Variants in EYS observed in about 807,000 individuals in gnomAD.
The protein encoded by EYS is protein eyes shut homolog.
In EYS, 250 loss-of-function variants were observed where a neutral mutation model predicts 282.1. The observed-to-expected ratio is 0.89, with a 90% CI of 0.80 to 0.98. The LOEUF (loss-of-function observed/expected upper bound fraction) is 0.98. Ranked by LOEUF, EYS falls within the 50% of genes least tolerant of loss-of-function variation. The pLI is 0.00. For synonymous variants in EYS, 1,355 were observed against 1,282.9 expected, an observed-to-expected ratio of 1.06 and a Z score of -1.20; for missense variants, 4,016 against 3,709.0, an observed-to-expected ratio of 1.08 and a Z score of -2.15.
At chr6:64,023,643 G>T (rs566828234) in intron 33 of EYS, among the ~76,000 whole-genome samples, 1 of 152,226 alleles carries the variant, frequency 6.6e-6, no homozygotes, top group African/African-American at 2.4e-5. Flanking sequence ...ACTAGCTCTC[G>T]GCACCTCCTT....
At chr6:63,765,080 A>G (rs1044649807) in intron 40 of EYS, among the ~76,000 whole-genome samples, 2 of 152,002 alleles carry the variant, frequency 1.3e-5, no homozygotes, top group African/African-American at 4.8e-5. Context: ...TATGTGTGTG[A>G]GGTGAGGTGT....
At chr6:65,663,586 G>T in intron 1 of EYS, among the ~76,000 whole-genome samples, 1 of 152,186 alleles carries the variant, frequency 6.6e-6, no homozygotes, top group East Asian at 1.9e-4. Flanking sequence ...TGGGCAGAAA[G>T]ATAGCTTTGA....
chr6:64,965,977 TGC>T (rs928484587), intron 14 of EYS, among the ~76,000 whole-genome samples: 44 of 122,520 alleles, frequency 3.6e-4, no homozygotes, highest in South Asian at 2.0e-3. Context: ...TGTGTGTGTG[TGC>T]GCCTGTGTGT....
intron 39 of EYS, among the ~76,000 whole-genome samples, chr6:63,779,679 T>C (rs1255889154): frequency 1.3e-5 from 2 of 151,130 alleles, no homozygotes; most frequent in Middle Eastern, 6.9e-3. Flanking sequence ...TTTAAAATGA[T>C]AAAATAAAGG....
chr6:65,532,940 T>C (rs1767831686), intron 2 of EYS, among the ~76,000 whole-genome samples: 1 of 152,140 alleles, frequency 6.6e-6, no homozygotes, highest in Admixed American at 6.6e-5. Context: ...TTTAAAAATA[T>C]CTCTACAATT....
intron 1 of EYS, among the ~76,000 whole-genome samples, chr6:65,641,507 C>T (rs1767274117): frequency 6.6e-6 from 1 of 152,162 alleles, no homozygotes; most frequent in African/African-American, 2.4e-5. Context: ...TTTTCTGATC[C>T]TCTAACTCAC....
chr6:65,202,068 C>A (rs1028825730), intron 12 of EYS, among the ~76,000 whole-genome samples: 1 of 151,878 alleles, frequency 6.6e-6, no homozygotes, highest in Non-Finnish European at 1.5e-5. Flanking sequence ...ACCAAGATTG[C>A]ACCAGTGCAC....
chr6:65,282,089 TG>T (rs201980451), intron 12 of EYS, among the ~76,000 whole-genome samples: 7,546 of 145,416 alleles, frequency 0.052, 225 homozygotes, highest in South Asian at 0.096. Flanking sequence ...TGAGTGGGGG[TG>T]GGGGGTGATG....
chr6:65,056,202 T>A (rs1236764636), intron 13 of EYS, among the ~76,000 whole-genome samples: 2 of 152,076 alleles, frequency 1.3e-5, no homozygotes, highest in African/African-American at 4.8e-5. Flanking sequence ...TTGGCTCGCT[T>A]TGACTTAATC....
chr6:63,764,818 T>C (rs1270464037), intron 40 of EYS, among the ~76,000 whole-genome samples: 1 of 151,930 alleles, frequency 6.6e-6, no homozygotes, highest in Non-Finnish European at 1.5e-5. Flanking sequence ...AACAATTAGC[T>C]ATATGTTTAA....
At chr6:64,353,801 T>C (rs1308409136) in intron 29 of EYS, among the ~76,000 whole-genome samples, 1 of 151,592 alleles carries the variant, frequency 6.6e-6, no homozygotes, top group East Asian at 2.0e-4. Context: ...AGACTGAGGG[T>C]ACCTGAGACT....
At chr6:65,701,663 A>T (rs886514713) in intron 1 of EYS, among the ~76,000 whole-genome samples, 5 of 151,890 alleles carry the variant, frequency 3.3e-5, no homozygotes, top group Non-Finnish European at 5.9e-5. Flanking sequence ...TTCCTTATTT[A>T]TTTCTTGATT....
chr6:64,455,639 A>G lies in EYS; in HGVS notation c.5645-16287T>C, dbSNP rs372165260. On this transcript the variant is annotated intron_variant, in intron 26 of 42. Coordinates refer to ENST00000503581, the MANE Select transcript of EYS (RefSeq NM_001142800.2). ...CTCCCGACAAGACCTGGTGTGTGAT[A>G]TTCCCTTCCCTGTGTCTATGTGTTC... Among the ~76,000 whole-genome samples the G allele has an allele frequency of 7.9e-5, 12 of 151,922 alleles. No individual in the cohort carries two copies. In the East Asian group the frequency reaches 2.1e-3, roughly 27 times the overall value.
intron 31 of EYS, among the ~76,000 whole-genome samples, chr6:64,168,218 G>T (rs530257272): frequency 6.6e-6 from 1 of 152,208 alleles, no homozygotes; most frequent in African/African-American, 2.4e-5. Context: ...CCAAGATCAC[G>T]CCACTGCACT....
intron 14 of EYS, among the ~76,000 whole-genome samples, chr6:64,995,715 T>TCCCC (rs5876932): frequency 4.8e-5 from 7 of 147,128 alleles, no homozygotes; most frequent in African/African-American, 7.4e-5. Flanking sequence ...TCTTTCTGCT[T>TCCCC]CCCCCCCGCC....
At position 64,695,279 on chromosome 6, in the gene EYS, C is replaced by T. The variant is rs116186256; in HGVS notation, c.3444-69034G>A. Among the ~76,000 whole-genome samples the T allele has an allele frequency of 4.6e-3, 696 of 152,160 alleles. 5 individuals are homozygous for T. Among genetic ancestry groups the T allele is most frequent in the African/African-American group, 0.016 (649 of 41,468 alleles). ...TTGCCACCAATGCAGCTGACTCCCA[C>T]CTGAAAGCACAACCTTCTTGCCTGG... is the stretch of plus-strand genomic sequence containing the variant. On this transcript the variant is annotated intron_variant, in intron 22 of 42. Transcript: ENST00000503581.
intron 30 of EYS, among the ~76,000 whole-genome samples, chr6:64,285,865 C>T (rs887509744): frequency 7.2e-5 from 11 of 152,054 alleles, no homozygotes; most frequent in African/African-American, 2.2e-4. Context: ...GAAACCGCCC[C>T]ATGATTCAAA....
intron 12 of EYS, among the ~76,000 whole-genome samples, chr6:65,214,037 T>TA (rs1766245921): frequency 6.6e-6 from 1 of 151,658 alleles, no homozygotes; most frequent in African/African-American, 2.4e-5. Flanking sequence ...CGGGTGCCTG[T>TA]AGTCCCAGCT....
At chr6:65,145,063 G>A (rs976216364) in intron 12 of EYS, among the ~76,000 whole-genome samples, 1 of 151,910 alleles carries the variant, frequency 6.6e-6, no homozygotes, top group Non-Finnish European at 1.5e-5. Flanking sequence ...GAGCCACAGA[G>A]CCCATTTACT....
Sources: allele counts gnomAD v4.1 joint callset (sites outside exome capture counted in the v4.1 genomes callset), GRCh38; gene constraint gnomAD v4.1.1; transcripts MANE v1.5; gene names NCBI Gene and HGNC (gene_info 2026-07-23, HGNC 2026-07-21).